Variants in ADAMTS2 observed in about 807,000 individuals in gnomAD.
ADAMTS2 encodes the protein A disintegrin and metalloproteinase with thrombospondin motifs 2.
In ADAMTS2, 50 loss-of-function variants were observed where a neutral mutation model predicts 123.0. The ratio of observed to expected loss-of-function variants is 0.41; its 90% confidence interval spans 0.32 to 0.51. The LOEUF (loss-of-function observed/expected upper bound fraction) is 0.51. Among genes scored for constraint, ADAMTS2 ranks in the 20% least tolerant of loss-of-function variants. The pLI is 0.35. For synonymous variants in ADAMTS2, 678 were observed against 695.4 expected (o/e 0.98, Z 0.39); for missense variants, 1,494 against 1,705.2 (o/e 0.88, Z 2.18).
At position 179,314,850 on chromosome 5, in the gene ADAMTS2, G is replaced by T. The variant is rs968807214; in HGVS notation, c.534+28917C>A. 6.6e-6 allele frequency among the ~76,000 whole-genome samples: 1 copy of T among 152,114 alleles called. No homozygotes were observed. The highest frequency in any genetic ancestry group is 1.5e-5 in the Non-Finnish European group (1 of 68,010). ...TTTGTGCCAGGCCCAACCAAGAGCT[G>T]CAAGGGACATAGGAATGTCCCTTAG... On this transcript the variant is annotated intron_variant, in intron 2 of 21. Transcript: ENST00000251582. The surrounding 1 kb of genome is among the most constrained non-coding windows in gnomAD (Gnocchi z 4.5).
chr5:179,254,795 G>A (rs1766007864), intron 3 of ADAMTS2, among the ~76,000 whole-genome samples: 1 of 152,256 alleles, frequency 6.6e-6, no homozygotes, highest in African/African-American at 2.4e-5. Context: ...AGGAAGGGCT[G>A]CCAAGCAGCC....
Position 179,154,965 on chromosome 5 carries a change from C to T in ADAMTS2, c.1133-46G>A, listed in dbSNP as rs747922359. 2.1e-5 allele frequency: 33 copies of T among 1,561,288 alleles called. No homozygotes were observed. In the Admixed American group the frequency reaches 2.8e-4, roughly 13 times the overall value. ...GCTCCAGATGCTGCCATAGCCTGGC[C>T]GGGAAGGTGAGGCCTGGCCTAACTC... On this transcript the variant is annotated intron_variant, in intron 6 of 21. Coordinates refer to ENST00000251582, the MANE Select transcript of ADAMTS2 (RefSeq NM_014244.5).
intron 5 of ADAMTS2, among the ~76,000 whole-genome samples, chr5:179,179,925 T>C (rs1764008904): frequency 6.6e-6 from 1 of 152,198 alleles, no homozygotes; most frequent in South Asian, 2.1e-4. Context: ...TTTGATCCTA[T>C]TATGATTTGA....
At chr5:179,338,766 C>T (rs1757689385) in intron 2 of ADAMTS2, among the ~76,000 whole-genome samples, 1 of 152,116 alleles carries the variant, frequency 6.6e-6, no homozygotes, top group South Asian at 2.1e-4. Context: ...CTAAAAATCC[C>T]TCTGGCTGCA....
At chr5:179,142,726 G>C (rs972112191) in intron 10 of ADAMTS2, among the ~76,000 whole-genome samples, 1 of 152,206 alleles carries the variant, frequency 6.6e-6, no homozygotes, top group Admixed American at 6.5e-5. Context: ...ATATGACCAA[G>C]GCTGTGACCT....
At position 179,132,120 on chromosome 5, in the gene ADAMTS2, G is replaced by T; in HGVS notation, c.2290+110C>A. 7 of 1,100,970 alleles carry T rather than the reference G, an allele frequency of 6.4e-6. No homozygotes were observed. Among genetic ancestry groups the T allele is most frequent in the South Asian group, 1.3e-5 (1 of 76,036 alleles). 68.2% of individuals were successfully genotyped at this position (1,100,970 alleles called of 1,614,324 possible). On this transcript the variant is annotated intron_variant, in intron 15 of 21. Transcript: ENST00000251582. This position sits in a 1 kb window ranked among gnomAD's most constrained non-coding sequence, Gnocchi z 6.1. ...TTGGGGAGGGGCTGCCCTGGCTCAG[G>T]TCATGGCTGCACAACCCGGGCCCCT...
At chr5:179,254,748 T>C (rs2113475314) in intron 3 of ADAMTS2, among the ~76,000 whole-genome samples, 1 of 152,264 alleles carries the variant, frequency 6.6e-6, no homozygotes, top group East Asian at 1.9e-4. Context: ...TGCACAGAAA[T>C]ATATTTTGGC....
At chr5:179,266,311 G>T (rs1766370879) in intron 3 of ADAMTS2, among the ~76,000 whole-genome samples, 1 of 152,220 alleles carries the variant, frequency 6.6e-6, no homozygotes, top group Non-Finnish European at 1.5e-5. Flanking sequence ...TAAATCAGGG[G>T]TCTTGAGATG....
intron 2 of ADAMTS2, among the ~76,000 whole-genome samples, chr5:179,316,015 A>G (rs1756979998): frequency 6.6e-6 from 1 of 152,250 alleles, no homozygotes; most frequent in African/African-American, 2.4e-5. Flanking sequence ...CAATACATAT[A>G]TAAGAAAAAG....
rs1763538425 is a variant in ADAMTS2, at chr5:179,158,914, T to A, written c.976-35A>T. The A allele has an allele frequency of 6.2e-7, 1 of 1,610,336 alleles. No individual in the cohort carries two copies. The highest frequency in any genetic ancestry group is 8.5e-7 in the Non-Finnish European group (1 of 1,178,574). Reference sequence around the variant, plus strand: ...GATGGAGAGAAATGGAAGAGAGAGGTTGGCGCCTGGTGGCCCAGTGGGGGG... The same window carrying A: ...GATGGAGAGAAATGGAAGAGAGAGGATGGCGCCTGGTGGCCCAGTGGGGGG... On this transcript the variant is annotated intron_variant, in intron 5 of 21. Transcript: ENST00000251582. The surrounding 1 kb of genome is among the most constrained non-coding windows in gnomAD (Gnocchi z 5.0).
chr5:179,329,166 A>C (rs1241882068), intron 2 of ADAMTS2, among the ~76,000 whole-genome samples: 2 of 152,128 alleles, frequency 1.3e-5, no homozygotes, highest in Non-Finnish European at 2.9e-5. Flanking sequence ...TCTCTACTAA[A>C]AATACAAAAA....
rs1048908816 is a variant in ADAMTS2 at position 179,272,284 on chromosome 5, G to A, written c.688+627C>T. Among the ~76,000 whole-genome samples, 2 of 152,200 alleles carry A rather than the reference G, an allele frequency of 1.3e-5. No homozygotes were observed. The highest frequency in any genetic ancestry group is 2.9e-5 in the Non-Finnish European group (2 of 68,028). ...TCACGTTTCTGGGCCCAGGGCACAC[G>A]TGGGTTCTGAGTTGAAAAAGACAGA... On this transcript the variant is annotated intron_variant, in intron 3 of 21. Transcript: ENST00000251582. This position sits in a 1 kb window ranked among gnomAD's most constrained non-coding sequence, Gnocchi z 5.8.
At chr5:179,127,479 C>T (rs1762879989) in intron 17 of ADAMTS2, among the ~76,000 whole-genome samples, 1 of 152,130 alleles carries the variant, frequency 6.6e-6, no homozygotes, top group African/African-American at 2.4e-5. Flanking sequence ...GTCCTATGTC[C>T]CATCAACTGC....
rs1051856642 is a variant in ADAMTS2, at chr5:179,200,244, C to CTTTT, written c.891+7265_891+7268dup. 1.4e-3 allele frequency among the ~76,000 whole-genome samples: 144 copies of CTTTT among 103,680 alleles called. 2 individuals are homozygous for CTTTT. Among genetic ancestry groups the CTTTT allele is most frequent in the African/African-American group, 5.0e-3 (126 of 25,248 alleles). 68.0% of individuals were successfully genotyped at this position (103,680 alleles called of 152,430 possible). A position where few individuals can be genotyped will look rare whatever the true frequency, so the allele number is the denominator to read the frequency against. ...TATCTCCCCGCCACACCTTTCTTTCCTTTTTTTTTTTTTTTTTTTTTTGAG... is the reference window on the plus strand; with the variant it reads ...TATCTCCCCGCCACACCTTTCTTTCCTTTTTTTTTTTTTTTTTTTTTTTTTTGAG... On this transcript the variant is annotated intron_variant, in intron 4 of 21. Coordinates refer to ENST00000251582, the MANE Select transcript of ADAMTS2 (RefSeq NM_014244.5).
At chr5:179,173,246 T>A (rs866663893) in intron 5 of ADAMTS2, among the ~76,000 whole-genome samples, 7 of 146,566 alleles carry the variant, frequency 4.8e-5, no homozygotes, top group Non-Finnish European at 9.0e-5. Context: ...ATAATAATAA[T>A]AAAAACCATG....
intron 2 of ADAMTS2, among the ~76,000 whole-genome samples, chr5:179,274,705 C>A (rs996350125): frequency 9.2e-5 from 14 of 152,232 alleles, no homozygotes; most frequent in Admixed American, 7.9e-4. Context: ...CAGTCAGTGC[C>A]CCCCAGGGCC....
At chr5:179,217,311 G>C (rs1765005568) in intron 3 of ADAMTS2, among the ~76,000 whole-genome samples, 1 of 152,222 alleles carries the variant, frequency 6.6e-6, no homozygotes, top group African/African-American at 2.4e-5. Context: ...TGGATACACA[G>C]ACGCAAGACA....
At chr5:179,221,750 C>T (rs1483036858) in intron 3 of ADAMTS2, among the ~76,000 whole-genome samples, 7 of 152,094 alleles carry the variant, frequency 4.6e-5, no homozygotes, top group African/African-American at 7.2e-5. Flanking sequence ...ATGCTCACCA[C>T]GCCCCCCTCA....
intron 2 of ADAMTS2, among the ~76,000 whole-genome samples, chr5:179,306,144 A>C (rs976306384): frequency 3.3e-5 from 5 of 151,940 alleles, no homozygotes; most frequent in African/African-American, 1.2e-4. Flanking sequence ...AAAAAAAAAA[A>C]CCCTACAAAC....
Sources: gnomAD v4.1 joint callset for allele counts (sites outside exome capture counted in the v4.1 genomes callset) on GRCh38, gnomAD v4.1.1 for gene constraint, Gnocchi (gnomAD v3.1) non-coding constraint, MANE v1.5 for transcripts, NCBI Gene and HGNC (gene_info 2026-07-23, HGNC 2026-07-21) for gene names.